SNX31: variants seen among roughly 807,000 people sequenced by gnomAD.
SNX31 encodes the protein sorting nexin 31, also known as sorting nexin-31.
Under a neutral mutation model 65.4 loss-of-function variants are expected in SNX31, and 58 were observed. The ratio of observed to expected loss-of-function variants is 0.89; its 90% CI spans 0.72 to 1.10. The LOEUF (loss-of-function observed/expected upper bound fraction) is 1.10, where lower values mean the gene tolerates loss of function less well. Among genes scored for constraint, SNX31 ranks in the 50% least tolerant of loss-of-function variants. The probability of loss-of-function intolerance (pLI) is 0.00; values close to 1 mark genes in which losing one functional copy is unlikely to be tolerated. For synonymous variants in SNX31, 181 were observed against 190.1 expected (o/e 0.95, Z 0.39); for missense variants, 523 against 529.7 (o/e 0.99, Z 0.12).
intron 2 of SNX31, among the ~76,000 whole-genome samples, chr8:100,640,995 C>T (rs1819133420): frequency 6.6e-6 from 1 of 152,084 alleles, no homozygotes; most frequent in Non-Finnish European, 1.5e-5. Context: ...ATGAATGCAC[C>T]ATATTAATAT....
intron 10 of SNX31, among the ~76,000 whole-genome samples, chr8:100,589,661 G>T (rs1411796065): frequency 6.6e-6 from 1 of 152,196 alleles, no homozygotes; most frequent in African/African-American, 2.4e-5. Context: ...GCATGTTGGA[G>T]ACACTACAAG....
At chr8:100,605,608 C>T (rs1014059099) in intron 8 of SNX31, among the ~76,000 whole-genome samples, 2 of 152,096 alleles carry the variant, frequency 1.3e-5, no homozygotes, top group South Asian at 2.1e-4. Flanking sequence ...CAGAAGGATG[C>T]GGTTGCTGGC....
At chr8:100,658,774 C>T (rs755614583) in intron 1 of SNX31, among the ~76,000 whole-genome samples, 7 of 152,124 alleles carry the variant, frequency 4.6e-5, no homozygotes, top group Admixed American at 4.6e-4. Flanking sequence ...TAAGCACACA[C>T]GAGATGCTTC....
chr8:100,624,289 A>C (rs990615570), intron 4 of SNX31, among the ~76,000 whole-genome samples: 1 of 152,206 alleles, frequency 6.6e-6, no homozygotes, highest in Non-Finnish European at 1.5e-5. Context: ...CTAGAAAAAA[A>C]TAAAACGAAG....
At chr8:100,651,335 G>A (rs372578835), upstream of SNX31, among the ~76,000 whole-genome samples, 24 of 152,250 alleles carry the variant, frequency 1.6e-4, no homozygotes, top group East Asian at 3.9e-3. Context: ...GCCTGATCAC[G>A]GCAGCTCTGG....
At position 100,610,274 on chromosome 8, in the gene SNX31, T is replaced by C. The variant is rs986943851; in HGVS notation, c.612-1711A>G. On this transcript the variant is annotated intron_variant, in intron 7 of 13. Transcript: ENST00000311812. The surrounding 1 kb of genome is among the most constrained non-coding windows in gnomAD (Gnocchi z 4.0). ...GCAATGCCTAATTTCTAATTCAAGCTTCAAGGTAAGAAACAGAATCATCAT... is the reference window on the plus strand; with the variant it reads ...GCAATGCCTAATTTCTAATTCAAGCCTCAAGGTAAGAAACAGAATCATCAT... Among the ~76,000 whole-genome samples the C allele has an allele frequency of 6.6e-6, 1 of 152,102 alleles. No homozygotes were observed. The highest frequency in any genetic ancestry group is 1.5e-5 in the Non-Finnish European group (1 of 68,030).
intron 8 of SNX31, among the ~76,000 whole-genome samples, chr8:100,606,004 ATTC>A (rs1249343209): frequency 6.6e-6 from 1 of 152,082 alleles, no homozygotes; most frequent in Non-Finnish European, 1.5e-5. Context: ...AAGTGGAAAA[ATTC>A]TTCTCTAACT....
At position 100,614,190 on chromosome 8, in the gene SNX31, C is replaced by T. The variant is rs1816971837; in HGVS notation, c.433-1105G>A. On this transcript the variant is annotated intron_variant, in intron 5 of 13. Coordinates refer to ENST00000311812, the MANE Select transcript of SNX31 (RefSeq NM_152628.4). The surrounding 1 kb of genome is among the most constrained non-coding windows in gnomAD (Gnocchi z 5.1). Reference sequence around the variant, plus strand: ...CCCTTCTTTCTGTCTCTCTCTTTCCCCCATGTTTTGGGCTGCAAAACACCC... The same window carrying T: ...CCCTTCTTTCTGTCTCTCTCTTTCCTCCATGTTTTGGGCTGCAAAACACCC... Among the ~76,000 whole-genome samples the T allele has an allele frequency of 6.6e-6, 1 of 152,168 alleles. No individual in the cohort carries two copies. The highest frequency in any genetic ancestry group is 1.5e-5 in the Non-Finnish European group (1 of 68,028).
rs1481405118 is a variant in SNX31 at position 100,604,124 on chromosome 8, C to CT, written c.682-3684dup. Among the ~76,000 whole-genome samples, 1 of 152,092 alleles carries CT rather than the reference C, an allele frequency of 6.6e-6. No individual in the cohort carries two copies. The highest frequency in any genetic ancestry group is 1.5e-5 in the Non-Finnish European group (1 of 68,030). On this transcript the variant is annotated intron_variant, in intron 8 of 13. Transcript: ENST00000311812. The surrounding 1 kb of genome is among the most constrained non-coding windows in gnomAD (Gnocchi z 4.3). Reference sequence around the variant, plus strand: ...ATGTGATATTATACAGTGCCTCACTCTGAGTAGGTCCAGACAATGAGAGTC... The same window carrying CT: ...ATGTGATATTATACAGTGCCTCACTCTTGAGTAGGTCCAGACAATGAGAGTC...
chr8:100,586,424 A>G (rs1272004941), intron 11 of SNX31, among the ~76,000 whole-genome samples: 1 of 152,242 alleles, frequency 6.6e-6, no homozygotes, highest in African/African-American at 2.4e-5. Flanking sequence ...TCCAGGGGAA[A>G]TAAGACCTTA....
chr8:100,589,430 T>C (rs948825961), intron 10 of SNX31, among the ~76,000 whole-genome samples: 1 of 152,160 alleles, frequency 6.6e-6, no homozygotes, highest in African/African-American at 2.4e-5. Context: ...TTTGATATAT[T>C]AATAGTTAAG....
At chr8:100,635,437 C>T (rs1057501497) in intron 3 of SNX31, among the ~76,000 whole-genome samples, 3 of 150,362 alleles carry the variant, frequency 2.0e-5, no homozygotes, top group Non-Finnish European at 2.9e-5. Flanking sequence ...GACAGGATCT[C>T]TCTATGTTGC....
At chr8:100,596,871 G>A in intron 9 of SNX31, 29 bp from the exon 10 acceptor site, 2 of 1,604,520 alleles carry the variant, frequency 1.2e-6, no homozygotes, top group South Asian at 1.1e-5. Context: ...TGTGGGGGGA[G>A]GGGAGGCAAG....
In SNX31 at chr8:100,622,634, G is replaced by A. The variant is rs1817775227; in HGVS notation, c.322-4904C>T. Among the ~76,000 whole-genome samples the A allele has an allele frequency of 6.6e-6, 1 of 151,810 alleles. No homozygotes were observed. Among genetic ancestry groups the A allele is most frequent in the Admixed American group, 6.6e-5 (1 of 15,218 alleles). On this transcript the variant is annotated intron_variant, in intron 4 of 13. Transcript: ENST00000311812. This position sits in a 1 kb window ranked among gnomAD's most constrained non-coding sequence, Gnocchi z 5.0. The stretch of plus-strand genomic sequence containing the variant: ...CCACTGCACTCCAGCCTGGGTGACA[G>A]AGCAAGACTCCCTCTCAAAAAATAA...
In SNX31 at chr8:100,581,918, G is replaced by C. The variant is rs7826733; in HGVS notation, c.1170+2193C>G. Among the ~76,000 whole-genome samples the C allele has an allele frequency of 9.7e-3, 1,472 of 152,190 alleles. 35 individuals carry two copies. Among genetic ancestry groups the C allele is most frequent in the African/African-American group, 0.034 (1,417 of 41,502 alleles). On this transcript the variant is annotated intron_variant, in intron 12 of 13. Coordinates refer to ENST00000311812, the MANE Select transcript of SNX31 (RefSeq NM_152628.4). The stretch of plus-strand genomic sequence containing the variant: ...TACCTCCCAGGTTCCCCTCTACCCA[G>C]AGCTTTGTAGATAAAATTCGAGATT...
rs1450967857 is a variant in SNX31, at chr8:100,613,713, AT to A, written c.433-629del. Among the ~76,000 whole-genome samples, 1 of 152,094 alleles carries A rather than the reference AT, an allele frequency of 6.6e-6. No homozygotes were observed. The highest frequency in any genetic ancestry group is 1.5e-5 in the Non-Finnish European group (1 of 68,014). ...CTTTGACTTATATCAAACAGCTTTC[AT>A]TTCAACGCCAGTGGCTTCATTTTTA... is the stretch of plus-strand genomic sequence containing the variant. On this transcript the variant is annotated intron_variant, in intron 5 of 13. Coordinates refer to ENST00000311812, the MANE Select transcript of SNX31 (RefSeq NM_152628.4). This position sits in a 1 kb window ranked among gnomAD's most constrained non-coding sequence, Gnocchi z 5.2.
At chr8:100,647,501 T>C (rs1440336285) in intron 2 of SNX31, among the ~76,000 whole-genome samples, 2 of 152,130 alleles carry the variant, frequency 1.3e-5, no homozygotes, top group African/African-American at 4.8e-5. Context: ...CCAAGTCTAT[T>C]GGGTAAGGAG....
chr8:100,615,919 G>A (rs547374687), intron 5 of SNX31, among the ~76,000 whole-genome samples: 108 of 151,988 alleles, frequency 7.1e-4, no homozygotes, highest in Non-Finnish European at 7.4e-4. Flanking sequence ...ACAGGCACCC[G>A]CCACCACGCC....
chr8:100,643,734 C>T (rs1415073647), intron 2 of SNX31, among the ~76,000 whole-genome samples: 2 of 152,190 alleles, frequency 1.3e-5, no homozygotes, highest in East Asian at 3.8e-4. Context: ...TCACCATCAC[C>T]TTTTCCACCA....
Sources: gnomAD v4.1 joint callset for allele counts (sites outside exome capture counted in the v4.1 genomes callset) on GRCh38, gnomAD v4.1.1 for gene constraint, Gnocchi (gnomAD v3.1) non-coding constraint, MANE v1.5 for transcripts, NCBI Gene and HGNC (gene_info 2026-07-23, HGNC 2026-07-21) for gene names.